Variants in POU2F1 observed in about 807,000 individuals in gnomAD.
The protein encoded by POU2F1 is POU domain, class 2, transcription factor 1.
A neutral mutation model predicts 84.9 loss-of-function variants in POU2F1; 16 were observed. That is an observed-to-expected ratio of 0.19 (90% CI 0.13 to 0.29). The LOEUF is 0.29. Ranked by LOEUF, POU2F1 falls within the 10% of genes least tolerant of loss-of-function variation. POU2F1 has a pLI of 1.00. For synonymous variants in POU2F1, 368 were observed against 368.3 expected (o/e 1.00, Z 0.01); for missense variants, 738 against 942.6 (o/e 0.78, Z 2.84).
intron 2 of POU2F1, among the ~76,000 whole-genome samples, chr1:167,344,577 G>A (rs1004665547): frequency 1.3e-4 from 20 of 152,154 alleles, no homozygotes; most frequent in Non-Finnish European, 1.5e-5. Flanking sequence ...TCACTTGCTA[G>A]TTGTGTTACC....
intron 10 of POU2F1, chr1:167,396,694 C>CAT: frequency 3.0e-6 from 1 of 336,568 alleles, no homozygotes; most frequent in Non-Finnish European, 5.5e-6. Flanking sequence ...GGAACACACA[C>CAT]ACACACACAC....
chr1:167,397,683 C>G (rs2101909914), intron 10 of POU2F1, among the ~76,000 whole-genome samples: 1 of 152,150 alleles, frequency 6.6e-6, no homozygotes, highest in Admixed American at 6.5e-5. Context: ...GTAACTGGGA[C>G]CACAGGCGCA....
At chr1:167,395,577 G>A (rs1486666596) in intron 9 of POU2F1, among the ~76,000 whole-genome samples, 2 of 152,054 alleles carry the variant, frequency 1.3e-5, no homozygotes, top group Non-Finnish European at 2.9e-5. Flanking sequence ...AGGTGATACA[G>A]ATAAATTTAT....
chr1:167,243,964 G>A (rs1650114906), intron 1 of POU2F1, among the ~76,000 whole-genome samples: 1 of 152,116 alleles, frequency 6.6e-6, no homozygotes, highest in South Asian at 2.1e-4. Context: ...CACAAATATG[G>A]ATAATGGACC....
At chr1:167,306,136 C>G (rs1334269768) in intron 1 of POU2F1, among the ~76,000 whole-genome samples, 2 of 152,192 alleles carry the variant, frequency 1.3e-5, no homozygotes, top group Admixed American at 1.3e-4. Flanking sequence ...GTCTCTGAAT[C>G]ATAACTACCT....
chr1:167,343,796 G>C (rs1346558284), intron 2 of POU2F1, among the ~76,000 whole-genome samples: 1 of 151,600 alleles, frequency 6.6e-6, no homozygotes, highest in Non-Finnish European at 1.5e-5. Context: ...GAGTAGACTT[G>C]ACAATGAGAT....
intron 3 of POU2F1, 100 bp from the exon 4 acceptor site, chr1:167,370,061 T>C: frequency 9.8e-7 from 1 of 1,015,704 alleles, no homozygotes. Flanking sequence ...GTCTTCTCAG[T>C]TCTAGCTCGG....
At chr1:167,221,599 A>T (rs1027240636) in intron 1 of POU2F1, among the ~76,000 whole-genome samples, 1 of 149,944 alleles carries the variant, frequency 6.7e-6, no homozygotes, top group Admixed American at 6.6e-5. Flanking sequence ...CCTCAGGGCA[A>T]CCGGGGGTGC....
intron 1 of POU2F1, among the ~76,000 whole-genome samples, chr1:167,311,694 G>T (rs762186772): frequency 6.6e-6 from 1 of 151,964 alleles, no homozygotes; most frequent in Non-Finnish European, 1.5e-5. Flanking sequence ...TAGAAAGGAT[G>T]TAAAGAAAGA....
At chr1:167,410,971 T>C (rs570162947) in intron 13 of POU2F1, among the ~76,000 whole-genome samples, 61 of 152,306 alleles carry the variant, frequency 4.0e-4, no homozygotes, top group Non-Finnish European at 7.5e-4. Flanking sequence ...GTCATTTATA[T>C]CCAAATGTTC....
chr1:167,264,623 T>A (rs1426146401), intron 1 of POU2F1, among the ~76,000 whole-genome samples: 2 of 152,210 alleles, frequency 1.3e-5, no homozygotes, highest in Admixed American at 6.5e-5. Flanking sequence ...ATTCAGCCAC[T>A]TCTTATCTCC....
chr1:167,236,820 AGAGAACTG>A (rs1261205755), intron 1 of POU2F1, among the ~76,000 whole-genome samples: 1 of 152,186 alleles, frequency 6.6e-6, no homozygotes, highest in Non-Finnish European at 1.5e-5. Context: ...TTCTCTTAGC[AGAGAACTG>A]GAGTGAGCAT....
intron 2 of POU2F1, among the ~76,000 whole-genome samples, chr1:167,333,804 G>T (rs1022015037): frequency 6.6e-6 from 1 of 152,068 alleles, no homozygotes; most frequent in African/African-American, 2.4e-5. Flanking sequence ...TTACTTCTCT[G>T]TCCCCTGTTT....
chr1:167,359,724 A>C (rs1659223833), intron 2 of POU2F1, among the ~76,000 whole-genome samples: 1 of 151,512 alleles, frequency 6.6e-6, no homozygotes, highest in African/African-American at 2.4e-5. Context: ...GTTGAATGGT[A>C]ATTCTGTTTT....
chr1:167,332,830 A>G lies in POU2F1; in HGVS notation c.127+295A>G, dbSNP rs188005495. Among the ~76,000 whole-genome samples the G allele has an allele frequency of 3.3e-3, 500 of 152,280 alleles. 6 individuals are homozygous for G. Among genetic ancestry groups the G allele is most frequent in the African/African-American group, 0.011 (467 of 41,560 alleles). On this transcript the variant is annotated intron_variant, in intron 2 of 15. Transcript: ENST00000367866. ...GATATGAAATATGGGTTTACCACTT[A>G]CTAGCTTGTGACTTTAGGCAATTTC...
intron 1 of POU2F1, among the ~76,000 whole-genome samples, chr1:167,236,979 A>T (rs1649503665): frequency 6.6e-6 from 1 of 152,220 alleles, no homozygotes; most frequent in African/African-American, 2.4e-5. Flanking sequence ...CTTGGAAATG[A>T]TAAGACTAAT....
chr1:167,399,307 G>A lies in POU2F1; in HGVS notation c.1391G>A (p.Ser464Asn), dbSNP rs1182095805. 1 of 1,614,070 alleles carries A rather than the reference G, an allele frequency of 6.2e-7. No homozygotes were observed. Among genetic ancestry groups the A allele is most frequent in the South Asian group, 1.1e-5 (1 of 91,076 alleles). The change falls in exon 12 of 16, where the codon AGC becomes AAC. Residue 464 changes from serine (S) to asparagine (N), a missense_variant. Ser to Asn is a conservative substitution (Grantham distance 46, BLOSUM62 1). Around this residue, in one of 4 missense-constraint regions of POU2F1, gnomAD observed 319 missense variants for 386.0 expected, o/e 0.83. Transcript: ENST00000367866. The part of the protein sequence containing the change: ...RQKEKRINPP[S>N]SGGTSSSPIK... ...AAAGAAAAAAGAATCAACCCACCAA[G>A]CAGTGGTGGGACCAGCAGCTCACCT...
intron 2 of POU2F1, among the ~76,000 whole-genome samples, chr1:167,341,553 G>A (rs891759695): frequency 5.3e-5 from 8 of 152,048 alleles, no homozygotes; most frequent in African/African-American, 1.5e-4. Context: ...CATATGTTTG[G>A]CTGCCCACAC....
At chr1:167,318,918 T>G (rs1456829030) in intron 1 of POU2F1, 1 of 154,062 alleles carries the variant, frequency 6.5e-6, no homozygotes, top group Non-Finnish European at 1.4e-5. Context: ...TGTGTCAGCC[T>G]TTGCTAAGGG....
Sources: gnomAD v4.1 joint callset for allele counts (sites outside exome capture counted in the v4.1 genomes callset) on GRCh38, gnomAD v4.1.1 for gene constraint, gnomAD v4.1.1 regional missense constraint, MANE v1.5 for transcripts, NCBI Gene and HGNC (gene_info 2026-07-23, HGNC 2026-07-21) for gene names.